FOCAD: variants seen among roughly 807,000 people sequenced by gnomAD.
The protein encoded by FOCAD is KIAA1797.
Under a neutral mutation model 225.6 loss-of-function variants are expected in FOCAD, and 198 were observed. The ratio of observed to expected loss-of-function variants is 0.88; its 90% CI spans 0.78 to 0.99. The LOEUF (loss-of-function observed/expected upper bound fraction) is 0.99, where lower values mean the gene tolerates loss of function less well. FOCAD is among the 50% of genes least tolerant of loss of function. FOCAD has a pLI of 0.00. For missense variants in FOCAD, 2,713 were observed against 2,123.6 expected (o/e 1.28, Z -5.46); for synonymous variants, 897 against 755.0 (o/e 1.19, Z -3.08).
At chr9:20,896,379 G>A (rs956608973) in intron 21 of FOCAD, among the ~76,000 whole-genome samples, 1 of 151,824 alleles carries the variant, frequency 6.6e-6, no homozygotes, top group African/African-American at 2.4e-5. Context: ...CTCATATAAT[G>A]AGTTAGGAAG....
chr9:20,868,041 G>A (rs1829439114), intron 18 of FOCAD, among the ~76,000 whole-genome samples: 1 of 152,030 alleles, frequency 6.6e-6, no homozygotes, highest in African/African-American at 2.4e-5. Flanking sequence ...AAGATAGATT[G>A]ACCGCTTGTC....
intron 15 of FOCAD, among the ~76,000 whole-genome samples, chr9:20,833,473 T>C (rs1210002554): frequency 6.6e-6 from 1 of 152,100 alleles, no homozygotes; most frequent in Non-Finnish European, 1.5e-5. Flanking sequence ...ATATCTACTT[T>C]CTCTTGATAA....
intron 28 of FOCAD, among the ~76,000 whole-genome samples, chr9:20,937,670 C>T (rs1300853736): frequency 6.6e-6 from 1 of 152,156 alleles, no homozygotes; most frequent in Non-Finnish European, 1.5e-5. Context: ...TAGGCATGGG[C>T]AAGGACTGCA....
chr9:20,708,103 G>C (rs1178031492), intron 1 of FOCAD, among the ~76,000 whole-genome samples: 1 of 152,164 alleles, frequency 6.6e-6, no homozygotes, highest in South Asian at 2.1e-4. Flanking sequence ...GTCAGTTGGT[G>C]ACTCTAGAAT....
Position 20,995,628 on chromosome 9 carries a change from G to A in FOCAD, c.5405G>A (p.Ter1802=). 1 of 1,612,106 alleles carries A rather than the reference G, an allele frequency of 6.2e-7. No individual in the cohort carries two copies. The highest frequency in any genetic ancestry group is 1.1e-5 in the South Asian group (1 of 91,034). ...KAVWTRAYGW[*] ...GTATGGACCAGAGCATATGGTTGGT[G>A]AACAGTTTTGCAGTAACCAGCAGCA... The change falls in exon 44 of 44, where the codon TGA becomes TAA. Residue 1802 remains the stop codon, a stop_retained_variant. Coordinates refer to ENST00000338382, the MANE Select transcript of FOCAD (RefSeq NM_001375567.1).
chr9:20,834,533 A>G (rs1825815080), intron 15 of FOCAD, among the ~76,000 whole-genome samples: 1 of 152,126 alleles, frequency 6.6e-6, no homozygotes, highest in South Asian at 2.1e-4. Flanking sequence ...TGTATAATAG[A>G]ATACTAGTAG....
chr9:20,752,485 T>A (rs1191693430), intron 5 of FOCAD, among the ~76,000 whole-genome samples: 2 of 152,198 alleles, frequency 1.3e-5, no homozygotes, highest in Non-Finnish European at 2.9e-5. Flanking sequence ...GCGGCGTTAT[T>A]TCTGAGAGCT....
rs1484345431 is a variant in FOCAD at position 20,990,143 on chromosome 9, G to C, written c.5025G>C (p.Leu1675=). 1.2e-6 allele frequency: 2 copies of C among 1,614,066 alleles called. No homozygotes were observed. Among genetic ancestry groups the C allele is most frequent in the East Asian group, 2.2e-5 (1 of 44,896 alleles). The change falls in exon 42 of 44, where the codon CTG becomes CTC. Residue 1675 remains leucine (L), a synonymous_variant. Coordinates refer to ENST00000338382, the MANE Select transcript of FOCAD (RefSeq NM_001375567.1). The part of the protein sequence containing the change: ...ALDKALDFFL[L]IFATAVVAWA... ...CGTAGGCTTTGGACTTCTTCTTGCT[G>C]ATATTTGCAACCGCAGTGGTTGCAT...
chr9:20,681,832 A>C (rs1822407439), upstream of FOCAD, among the ~76,000 whole-genome samples: 1 of 152,214 alleles, frequency 6.6e-6, no homozygotes, highest in Non-Finnish European at 1.5e-5. Context: ...TTCCAGCTTA[A>C]CCCTAGATCT....
At position 20,822,977 on chromosome 9, in the gene FOCAD, C is replaced by G; in HGVS notation, c.1794-12C>G. 3.2e-6 allele frequency: 5 copies of G among 1,563,976 alleles called. No individual in the cohort carries two copies. Among genetic ancestry groups the G allele is most frequent in the South Asian group, 1.2e-5 (1 of 83,274 alleles). ...AGCATTAATTTTGCTTTTAAACTTT[C>G]ATTTCTTGTAGGCCATATCAACATG... On this transcript the variant is annotated splice_polypyrimidine_tract_variant and intron_variant, in intron 14 of 43. Coordinates refer to ENST00000338382, the MANE Select transcript of FOCAD (RefSeq NM_001375567.1).
intron 35 of FOCAD, among the ~76,000 whole-genome samples, chr9:20,966,869 T>A (rs1380288260): frequency 6.6e-6 from 1 of 152,122 alleles, no homozygotes; most frequent in African/African-American, 2.4e-5. Context: ...GAAATAAACC[T>A]ATGCACTGGT....
chr9:20,976,631 T>C, intron 36 of FOCAD, 83 bp downstream of exon 36: 1 of 1,389,844 alleles, frequency 7.2e-7, no homozygotes. Context: ...TGTCACAATG[T>C]GTAGTGACTG....
chr9:20,921,954 T>C (rs1834476605), intron 24 of FOCAD, among the ~76,000 whole-genome samples: 1 of 152,214 alleles, frequency 6.6e-6, no homozygotes, highest in African/African-American at 2.4e-5. Context: ...AAACTGGGAC[T>C]CTAATACTCA....
chr9:20,940,767 T>G (rs1323764294), intron 28 of FOCAD, among the ~76,000 whole-genome samples: 5 of 152,228 alleles, frequency 3.3e-5, no homozygotes. Flanking sequence ...GATAGGAGGC[T>G]TGTTTCAGGG....
chr9:20,743,916 G>A (rs776376980), intron 5 of FOCAD, among the ~76,000 whole-genome samples: 5 of 152,090 alleles, frequency 3.3e-5, no homozygotes, highest in Non-Finnish European at 7.3e-5. Context: ...TGTCTATTTG[G>A]GTGGCAAGAA....
intron 4 of FOCAD, among the ~76,000 whole-genome samples, chr9:20,737,610 C>G (rs1827253264): frequency 6.6e-6 from 1 of 152,150 alleles, no homozygotes; most frequent in African/African-American, 2.4e-5. Flanking sequence ...AAGAATGCTT[C>G]TAAACATGTA....
chr9:20,720,342 TC>T (rs1327612828), intron 3 of FOCAD, 37 bp from the exon 4 acceptor site: 1 of 1,605,170 alleles, frequency 6.2e-7, no homozygotes, highest in Non-Finnish European at 8.5e-7. Flanking sequence ...TGTTTGCTGC[TC>T]ATCAGAATTG....
At chr9:20,838,238 T>C (rs1478153736) in intron 15 of FOCAD, among the ~76,000 whole-genome samples, 1 of 152,106 alleles carries the variant, frequency 6.6e-6, no homozygotes, top group African/African-American at 2.4e-5. Flanking sequence ...ATTAGTTATC[T>C]TTTGTGATTT....
At chr9:20,796,061 G>A (rs968659765) in intron 11 of FOCAD, among the ~76,000 whole-genome samples, 15 of 151,638 alleles carry the variant, frequency 9.9e-5, no homozygotes, top group African/African-American at 1.9e-4. Flanking sequence ...GAGAACATGC[G>A]GTGTTTGGTT....
Sources: gnomAD v4.1 joint callset for allele counts (sites outside exome capture counted in the v4.1 genomes callset) on GRCh38, gnomAD v4.1.1 for gene constraint, MANE v1.5 for transcripts, NCBI Gene and HGNC (gene_info 2026-07-23, HGNC 2026-07-21) for gene names.